Variants in PDE7B observed in about 807,000 individuals in gnomAD.
PDE7B encodes phosphodiesterase 7B.
A neutral mutation model predicts 56.2 loss-of-function variants in PDE7B; 29 were observed. The observed-to-expected ratio is 0.52, with a 90% confidence interval of 0.38 to 0.70. The LOEUF is 0.70. Ranked by LOEUF, PDE7B falls within the 30% of genes least tolerant of loss-of-function variation. PDE7B has a pLI of 0.00. For synonymous variants in PDE7B, 197 were observed against 196.9 expected, an observed-to-expected ratio of 1.00 and a Z score of 0.00; for missense variants, 490 against 565.0, an observed-to-expected ratio of 0.87 and a Z score of 1.35.
Position 135,871,129 on chromosome 6 carries a change from C to A in PDE7B, c.21+19110C>A, listed in dbSNP as rs187621858. On this transcript the variant is annotated intron_variant, in intron 1 of 12. Transcript: ENST00000308191. ...AGCTGTGGTAGGAATCTGCTGCTCT[C>A]TATTTACTCTGAGATGTTTTTAGTG... 2.8e-3 allele frequency among the ~76,000 whole-genome samples: 427 copies of A among 152,302 alleles called. 1 individual carries two copies. Among genetic ancestry groups the A allele is most frequent in the African/African-American group, 9.2e-3 (382 of 41,576 alleles).
At chr6:135,935,017 AAATATAT>A (rs1774385041) in intron 1 of PDE7B, among the ~76,000 whole-genome samples, 1 of 65,366 alleles carries the variant, frequency 1.5e-5, no homozygotes, top group Non-Finnish European at 2.7e-5. Flanking sequence ...ATATATAAAT[AAATATAT>A]AATATATATT....
At chr6:135,899,158 C>A (rs542779509) in intron 1 of PDE7B, among the ~76,000 whole-genome samples, 1 of 152,228 alleles carries the variant, frequency 6.6e-6, no homozygotes, top group Admixed American at 6.5e-5. Context: ...GAGGCCTCCC[C>A]AGCTATGTGG....
intron 8 of PDE7B, among the ~76,000 whole-genome samples, chr6:136,169,003 G>A (rs1012083828): frequency 3.3e-5 from 5 of 152,102 alleles, no homozygotes; most frequent in African/African-American, 1.2e-4. Flanking sequence ...TTCTTGGGAG[G>A]CAGCAAGGGC....
chr6:135,933,687 T>C (rs1439689550), intron 1 of PDE7B, among the ~76,000 whole-genome samples: 1 of 151,848 alleles, frequency 6.6e-6, no homozygotes, highest in African/African-American at 2.4e-5. Context: ...CCTAGTTTGC[T>C]AACTATCAGT....
At chr6:135,902,323 A>T (rs181201502) in intron 1 of PDE7B, among the ~76,000 whole-genome samples, 29 of 139,652 alleles carry the variant, frequency 2.1e-4, no homozygotes, top group Admixed American at 1.8e-3. Flanking sequence ...TTGGCTCATT[A>T]TGTGAAGGTT....
intron 8 of PDE7B, among the ~76,000 whole-genome samples, chr6:136,168,113 A>C (rs1778824640): frequency 6.6e-6 from 1 of 152,210 alleles, no homozygotes; most frequent in African/African-American, 2.4e-5. Context: ...CCACCTTGGA[A>C]GGTATTAGGG....
chr6:136,003,587 A>C (rs980621089), intron 2 of PDE7B, among the ~76,000 whole-genome samples: 5 of 152,242 alleles, frequency 3.3e-5, no homozygotes, highest in African/African-American at 1.2e-4. Context: ...TATGCAAATA[A>C]ACTAGAAAAT....
At chr6:135,942,489 G>A (rs1774522238) in intron 1 of PDE7B, among the ~76,000 whole-genome samples, 1 of 152,030 alleles carries the variant, frequency 6.6e-6, no homozygotes, top group Non-Finnish European at 1.5e-5. Context: ...TTAATGTTTT[G>A]TGGTGAGAAT....
In PDE7B at chr6:136,168,968, C is replaced by T. The variant is rs145001673; in HGVS notation, c.712-4829C>T. On this transcript the variant is annotated intron_variant, in intron 8 of 12. Coordinates refer to ENST00000308191, the MANE Select transcript of PDE7B (RefSeq NM_018945.4). The stretch of plus-strand genomic sequence containing the variant: ...GCTTGTAAATTTCAGGCTTCTGATG[C>T]TTGGATGTGGTAGCACAGAGAAAAT... Among the ~76,000 whole-genome samples the T allele has an allele frequency of 1.2e-3, 178 of 152,160 alleles. 5 individuals are homozygous for T. The East Asian group carries it at 0.034, about 29-fold the overall frequency.
chr6:136,039,561 CTTTT>C (rs200469289), intron 2 of PDE7B, among the ~76,000 whole-genome samples: 2 of 151,920 alleles, frequency 1.3e-5, no homozygotes, highest in African/African-American at 4.8e-5. Flanking sequence ...ATGCCAGGAA[CTTTT>C]TTTAAGTTAT....
intron 1 of PDE7B, among the ~76,000 whole-genome samples, chr6:135,926,104 G>GGGGGGT: frequency 9.1e-6 from 1 of 109,456 alleles, no homozygotes. Flanking sequence ...GGGGGGGAGG[G>GGGGGGT]GGGATGGAGT....
intron 7 of PDE7B, among the ~76,000 whole-genome samples, chr6:136,155,338 A>C (rs1213123668): frequency 6.6e-6 from 1 of 152,234 alleles, no homozygotes; most frequent in Non-Finnish European, 1.5e-5. Flanking sequence ...CACTGTTGCC[A>C]ACCAGCAATG....
intron 2 of PDE7B, among the ~76,000 whole-genome samples, chr6:136,093,077 G>T (rs947479484): frequency 6.6e-6 from 1 of 152,148 alleles, no homozygotes; most frequent in African/African-American, 2.4e-5. Flanking sequence ...ATTTTCATCT[G>T]TCAATTATAC....
At chr6:135,869,963 G>A (rs9494405) in intron 1 of PDE7B, among the ~76,000 whole-genome samples, 9,822 of 152,212 alleles carry the variant, frequency 0.065, 791 homozygotes, top group African/African-American at 0.19. Context: ...AGGGCGTGGT[G>A]GAAATTGTAC....
chr6:135,999,007 G>A (rs1243746917), intron 2 of PDE7B, among the ~76,000 whole-genome samples: 4 of 152,032 alleles, frequency 2.6e-5, no homozygotes, highest in Admixed American at 2.6e-4. Context: ...TATATGCTGA[G>A]AAAGAGGAAG....
At chr6:136,154,668 A>G (rs1474969947) in intron 7 of PDE7B, among the ~76,000 whole-genome samples, 1 of 152,220 alleles carries the variant, frequency 6.6e-6, no homozygotes, top group South Asian at 2.1e-4. Context: ...GTGAATGTCA[A>G]AGACCTCTTA....
intron 1 of PDE7B, among the ~76,000 whole-genome samples, chr6:135,875,516 C>T (rs1371021502): frequency 6.6e-6 from 1 of 152,102 alleles, no homozygotes; most frequent in East Asian, 1.9e-4. Context: ...ATCCCTAGAA[C>T]TGTTATTGTT....
rs190442934 is a variant in PDE7B, at chr6:135,913,259, C to G, written c.22-34205C>G. The stretch of plus-strand genomic sequence containing the variant: ...AGATCATTGATAACTTACCCAATGT[C>G]ACACAGCTGGTAATGTCTGGATTTT... On this transcript the variant is annotated intron_variant, in intron 1 of 12. Coordinates refer to ENST00000308191, the MANE Select transcript of PDE7B (RefSeq NM_018945.4). 2.0e-5 allele frequency among the ~76,000 whole-genome samples: 3 copies of G among 152,286 alleles called. No individual in the cohort carries two copies. The East Asian group carries it at 5.8e-4, about 29-fold the overall frequency.
intron 2 of PDE7B, among the ~76,000 whole-genome samples, chr6:136,080,027 C>T (rs538145105): frequency 6.6e-6 from 1 of 152,250 alleles, no homozygotes; most frequent in African/African-American, 2.4e-5. Context: ...CACCCACCTG[C>T]AGTTCCTCTA....
Sources: allele counts gnomAD v4.1 joint callset (sites outside exome capture counted in the v4.1 genomes callset), GRCh38; gene constraint gnomAD v4.1.1; transcripts MANE v1.5; gene names NCBI Gene and HGNC (gene_info 2026-07-23, HGNC 2026-07-21).